EPC2: variants seen among roughly 807,000 people sequenced by gnomAD.
EPC2 encodes enhancer of polycomb homolog 2.
In EPC2, 14 loss-of-function variants were observed where a neutral mutation model predicts 92.1. The observed-to-expected ratio is 0.15, with a 90% confidence interval of 0.10 to 0.24. The LOEUF (loss-of-function observed/expected upper bound fraction) is 0.24, where lower values mean the gene tolerates loss of function less well. Ranked by LOEUF, EPC2 falls within the 10% of genes least tolerant of loss-of-function variation. The probability of loss-of-function intolerance (pLI) is 1.00; values close to 1 mark genes in which losing one functional copy is unlikely to be tolerated. For missense variants in EPC2, 755 were observed against 971.5 expected (o/e 0.78, Z 2.96); for synonymous variants, 340 against 334.7 (o/e 1.02, Z -0.17).
chr2:148,719,750 T>TAGAGGC (rs1166591735), intron 2 of EPC2, among the ~76,000 whole-genome samples: 7 of 152,198 alleles, frequency 4.6e-5, no homozygotes, highest in African/African-American at 1.7e-4. Context: ...TTGGCCTCTT[T>TAGAGGC]TTGTTAGAGC....
rs1309478069 is a variant in EPC2, at chr2:148,771,063, T to G, written c.1396T>G (p.Ser466Ala). Residue 466 changes from serine (S) to alanine (A), a missense_variant, in exon 10 of 14, where the codon TCC becomes GCC. Ser to Ala is a moderately conservative substitution (Grantham distance 99, BLOSUM62 1). This residue lies in a region of EPC2 where 509 missense variants were observed against 607.7 expected (regional missense o/e 0.84). Coordinates refer to ENST00000258484, the MANE Select transcript of EPC2 (RefSeq NM_015630.4). ...TTTCAGGGTCATAATGGACCGAATA[T>G]CCACAGAACATGACCCAGTCCTGAA... ...RGGRVIMDRI[S>A]TEHDPVLKQI... 1.2e-6 allele frequency: 2 copies of G among 1,607,090 alleles called. No homozygotes were observed. Among genetic ancestry groups the G allele is most frequent in the Admixed American group, 3.4e-5 (2 of 58,880 alleles).
chr2:148,700,690 CTT>C (rs77147387), intron 2 of EPC2, among the ~76,000 whole-genome samples: 52 of 139,764 alleles, frequency 3.7e-4, no homozygotes, highest in Non-Finnish European at 3.7e-4. Flanking sequence ...GCCCTTTTTA[CTT>C]TTTTTTTTTT....
intron 1 of EPC2, among the ~76,000 whole-genome samples, chr2:148,657,295 T>A (rs1680822512): frequency 6.6e-6 from 1 of 152,154 alleles, no homozygotes; most frequent in Non-Finnish European, 1.5e-5. Context: ...GGAAGAAGAT[T>A]GTTTATACAT....
chr2:148,708,023 A>G (rs1334802963), intron 2 of EPC2, among the ~76,000 whole-genome samples: 4 of 152,204 alleles, frequency 2.6e-5, no homozygotes, highest in Non-Finnish European at 4.4e-5. Flanking sequence ...GGAGATAGAG[A>G]CACAAAAATC....
intron 1 of EPC2, among the ~76,000 whole-genome samples, chr2:148,676,755 C>G (rs573866763): frequency 1.4e-5 from 2 of 146,202 alleles, no homozygotes; most frequent in South Asian, 4.5e-4. Flanking sequence ...ATAAGTAATT[C>G]CCTGTTTATT....
At position 148,754,041 on chromosome 2, in the gene EPC2, C is replaced by T; in HGVS notation, c.574C>T (p.Pro192Ser). 1.9e-6 allele frequency: 3 copies of T among 1,611,368 alleles called. No homozygotes were observed. The highest frequency in any genetic ancestry group is 2.2e-5 in the East Asian group (1 of 44,828). Reference protein sequence around the residue: ...RKNCRGPSLIPQIKQEKRDGS... With the variant: ...RKNCRGPSLISQIKQEKRDGS... ...AAACTGCAGGGGGCCATCCCTCATT[C>T]CTCAGATAAAACAAGAGAAAAGAGA... The change falls in exon 4 of 14, where the codon CCT becomes TCT. Residue 192 changes from proline (P) to serine (S), a missense_variant. By Grantham distance (74) the Pro-to-Ser change is moderately conservative. This residue lies in a region of EPC2 where 509 missense variants were observed against 607.7 expected (regional missense o/e 0.84). Transcript: ENST00000258484.
At chr2:148,676,783 T>G (rs1021331070) in intron 1 of EPC2, among the ~76,000 whole-genome samples, 3 of 94,050 alleles carry the variant, frequency 3.2e-5, no homozygotes, top group African/African-American at 6.3e-5. Context: ...AGGTGCTCTC[T>G]CTCTCTCTCT....
intron 1 of EPC2, among the ~76,000 whole-genome samples, chr2:148,650,520 A>G (rs879581519): frequency 1.0e-4 from 15 of 147,056 alleles, no homozygotes; most frequent in Non-Finnish European, 1.7e-4. Context: ...ATACTTTTTC[A>G]TACCAGAATG....
chr2:148,676,777 GCTCT>G lies in EPC2; in HGVS notation c.154-13416_154-13413del, dbSNP rs10559609. ...ATTCCCTGTTTATTGACATTTAGGTGCTCTCTCTCTCTCTCTCTCTCTCTGTCTC... is the reference window on the plus strand; with the variant it reads ...ATTCCCTGTTTATTGACATTTAGGTGCTCTCTCTCTCTCTCTCTCTGTCTC... On this transcript the variant is annotated intron_variant, in intron 1 of 13. Transcript: ENST00000258484. Among the ~76,000 whole-genome samples, 517 of 144,032 alleles carry G rather than the reference GCTCT, an allele frequency of 3.6e-3. 1 individual carries two copies. Among genetic ancestry groups the G allele is most frequent in the African/African-American group, 6.4e-3 (247 of 38,648 alleles). 94.5% of individuals were successfully genotyped at this position (144,032 alleles called of 152,430 possible).
chr2:148,691,492 G>C, intron 2 of EPC2: 1 of 1,547,418 alleles, frequency 6.5e-7, no homozygotes, highest in Non-Finnish European at 8.7e-7. Flanking sequence ...CTGACTATAA[G>C]ATTGACTGCT....
intron 2 of EPC2, among the ~76,000 whole-genome samples, chr2:148,732,531 C>T (rs115107766): frequency 0.014 from 2,145 of 152,214 alleles, 52 homozygotes; most frequent in African/African-American, 0.049. Context: ...TAGGTGCGCG[C>T]TACTGTGCCC....
Position 148,781,735 on chromosome 2 carries a change from A to G in EPC2, c.1812A>G (p.Lys604=), listed in dbSNP as rs370409271. The G allele has an allele frequency of 1.2e-5, 19 of 1,613,924 alleles. No individual in the cohort carries two copies. Among genetic ancestry groups the G allele is most frequent in the Non-Finnish European group, 1.6e-5 (19 of 1,179,902 alleles). ...QRQQLAQLQQ[K]QQSQHSSQQT... The stretch of plus-strand genomic sequence containing the variant: ...AGCAACTTGCCCAGCTTCAGCAGAA[A>G]CAGCAATCTCAGCATTCCTCGCAAC... The change falls in exon 11 of 14, where the codon AAA becomes AAG. Residue 604 remains lysine, a synonymous_variant. Transcript: ENST00000258484.
chr2:148,766,540 A>G (rs2105427257), intron 7 of EPC2, among the ~76,000 whole-genome samples: 1 of 152,308 alleles, frequency 6.6e-6, no homozygotes, highest in African/African-American at 2.4e-5. Context: ...TGGGACATTT[A>G]TCAGATGACC....
At chr2:148,692,966 A>G (rs553627230) in intron 2 of EPC2, 82 of 152,200 alleles carry the variant, frequency 5.4e-4, no homozygotes, top group African/African-American at 1.9e-3. Context: ...TACTGCACAT[A>G]TGATATTTAT....
intron 4 of EPC2, among the ~76,000 whole-genome samples, chr2:148,757,763 G>A (rs1683219890): frequency 6.6e-6 from 1 of 151,718 alleles, no homozygotes; most frequent in African/African-American, 2.4e-5. Flanking sequence ...CTTGAACCCA[G>A]GAGAGAAGTT....
At chr2:148,674,032 C>T (rs2105362178) in intron 1 of EPC2, among the ~76,000 whole-genome samples, 1 of 152,124 alleles carries the variant, frequency 6.6e-6, no homozygotes, top group South Asian at 2.1e-4. Flanking sequence ...GGGCTGTTTG[C>T]CTGCTTCTTT....
intron 1 of EPC2, among the ~76,000 whole-genome samples, chr2:148,673,271 T>A (rs776549371): frequency 6.6e-6 from 1 of 152,222 alleles, no homozygotes; most frequent in Non-Finnish European, 1.5e-5. Flanking sequence ...TTTCTTCAAA[T>A]AAGCTCTCTG....
chr2:148,696,973 A>G (rs1431007273), intron 2 of EPC2, among the ~76,000 whole-genome samples: 2 of 152,290 alleles, frequency 1.3e-5, no homozygotes, highest in Non-Finnish European at 2.9e-5. Flanking sequence ...GGTAAAAGAT[A>G]GTAAAATAAC....
intron 2 of EPC2, among the ~76,000 whole-genome samples, chr2:148,703,024 C>T (rs765357323): frequency 1.2e-4 from 18 of 152,116 alleles, no homozygotes; most frequent in Non-Finnish European, 2.2e-4. Flanking sequence ...TGGTGCAGAG[C>T]ACTATGGGTG....
Sources: allele counts gnomAD v4.1 joint callset (sites outside exome capture counted in the v4.1 genomes callset), GRCh38; gene constraint gnomAD v4.1.1; regional missense constraint gnomAD v4.1.1; transcripts MANE v1.5; gene names NCBI Gene and HGNC (gene_info 2026-07-23, HGNC 2026-07-21).